The following PLCXD3 variants were observed in gnomAD, a reference collection of about 807,000 sequenced individuals.
PLCXD3 encodes PI-PLC X domain-containing protein 3.
In PLCXD3, 19 loss-of-function variants were observed where a neutral mutation model predicts 25.5. The observed-to-expected ratio is 0.75, with a 90% confidence interval of 0.52 to 1.09. The LOEUF (loss-of-function observed/expected upper bound fraction) is 1.09. PLCXD3 is among the 50% of genes least tolerant of loss of function. The pLI is 0.00. For missense variants in PLCXD3, 411 were observed against 388.1 expected (o/e 1.06, Z -0.50); for synonymous variants, 174 against 137.6 (o/e 1.26, Z -1.85).
At chr5:41,480,732 C>A (rs1241306420) in intron 1 of PLCXD3, among the ~76,000 whole-genome samples, 1 of 151,842 alleles carries the variant, frequency 6.6e-6, no homozygotes, top group Non-Finnish European at 1.5e-5. Flanking sequence ...ACCAGCCTGG[C>A]CAACACGGTG....
At chr5:41,461,413 G>A (rs183589691) in intron 1 of PLCXD3, among the ~76,000 whole-genome samples, 1 of 151,916 alleles carries the variant, frequency 6.6e-6, no homozygotes, top group Admixed American at 6.6e-5. Context: ...ATTTTTTGAA[G>A]CAACAATTCT....
At chr5:41,487,602 A>T (rs1402926769) in intron 1 of PLCXD3, among the ~76,000 whole-genome samples, 1 of 152,258 alleles carries the variant, frequency 6.6e-6, no homozygotes, top group Non-Finnish European at 1.5e-5. Context: ...AAGCACTATG[A>T]ATAAGACAAA....
chr5:41,328,911 C>T lies in PLCXD3; in HGVS notation c.813-15141G>A, dbSNP rs7703741. Reference sequence around the variant, plus strand: ...TTGACTTGTTATTTCATGTCAATCTCCTGCTTAGAATGTTTCAATTACCTC... The same window carrying T: ...TTGACTTGTTATTTCATGTCAATCTTCTGCTTAGAATGTTTCAATTACCTC... On this transcript the variant is annotated intron_variant, in intron 2 of 2. Transcript: ENST00000377801. Among the ~76,000 whole-genome samples the T allele has an allele frequency of 8.0e-3, 1,211 of 152,252 alleles. 17 individuals are homozygous for T. Among genetic ancestry groups the T allele is most frequent in the African/African-American group, 0.028 (1,164 of 41,530 alleles).
At chr5:41,387,041 T>C (rs1745659412) in intron 1 of PLCXD3, among the ~76,000 whole-genome samples, 1 of 152,096 alleles carries the variant, frequency 6.6e-6, no homozygotes, top group South Asian at 2.1e-4. Context: ...GAGCACTCCA[T>C]CTGCATATCA....
chr5:41,499,901 G>A lies in PLCXD3; in HGVS notation c.103+10523C>T, dbSNP rs116737314. ...ACAATGGGGAAAGGATAGTCTCTTT[G>A]ATAAAGATGTTGGGAAACTAGATAT... is the stretch of plus-strand genomic sequence containing the variant. On this transcript the variant is annotated intron_variant, in intron 1 of 2. Coordinates refer to ENST00000377801, the MANE Select transcript of PLCXD3 (RefSeq NM_001005473.3). Among the ~76,000 whole-genome samples the A allele has an allele frequency of 9.3e-4, 141 of 151,888 alleles. 1 individual carries two copies. The highest frequency in any genetic ancestry group is 6.8e-3 in the Middle Eastern group (2 of 294).
At chr5:41,491,918 T>A (rs1315569653) in intron 1 of PLCXD3, among the ~76,000 whole-genome samples, 1 of 151,824 alleles carries the variant, frequency 6.6e-6, no homozygotes, top group East Asian at 1.9e-4. Context: ...TTAATTGGAG[T>A]ATTTAGTCCA....
At chr5:41,405,482 T>G (rs1746324032) in intron 1 of PLCXD3, among the ~76,000 whole-genome samples, 1 of 152,126 alleles carries the variant, frequency 6.6e-6, no homozygotes, top group African/African-American at 2.4e-5. Flanking sequence ...ACTTGTTATG[T>G]TCACTAAATT....
At chr5:41,481,129 AAAGG>A (rs1268234185) in intron 1 of PLCXD3, among the ~76,000 whole-genome samples, 80 of 146,368 alleles carry the variant, frequency 5.5e-4, no homozygotes, top group African/African-American at 1.8e-3. Flanking sequence ...AAAAAAAAAG[AAAGG>A]AAGGGAAAAA....
chr5:41,359,805 A>G (rs1442601753), intron 2 of PLCXD3, among the ~76,000 whole-genome samples: 5 of 152,036 alleles, frequency 3.3e-5, no homozygotes, highest in African/African-American at 1.2e-4. Context: ...CCTGATGACT[A>G]TGTGCCTAGG....
intron 1 of PLCXD3, among the ~76,000 whole-genome samples, chr5:41,438,326 C>A (rs1198060817): frequency 6.6e-6 from 1 of 152,186 alleles, no homozygotes; most frequent in Admixed American, 6.5e-5. Flanking sequence ...AGGAGACAGA[C>A]AAGGGTCCCC....
At position 41,363,384 on chromosome 5, in the gene PLCXD3, T is replaced by A. The variant is rs1308033192; in HGVS notation, c.812+18442A>T. Among the ~76,000 whole-genome samples, 8 of 152,298 alleles carry A rather than the reference T, an allele frequency of 5.3e-5. No individual in the cohort carries two copies. In the East Asian group the frequency reaches 7.7e-4, roughly 15 times the overall value. On this transcript the variant is annotated intron_variant, in intron 2 of 2. Transcript: ENST00000377801. ...TAATACAGATAATAATATATTTTTTTAAAAAGACTTTCTCCAAGAATTCAG... is the reference window on the plus strand; with the variant it reads ...TAATACAGATAATAATATATTTTTTAAAAAAGACTTTCTCCAAGAATTCAG...
intron 2 of PLCXD3, among the ~76,000 whole-genome samples, chr5:41,332,251 AAAAC>A (rs1412730170): frequency 5.3e-5 from 8 of 152,134 alleles, no homozygotes; most frequent in African/African-American, 1.4e-4. Context: ...TTACAAGAAA[AAAAC>A]AAACAACCCC....
In PLCXD3 at chr5:41,431,009, T is replaced by A. The variant is rs1186295310; in HGVS notation, c.104-48475A>T. ...TCTAATGGGGTATTTGACAAAATTG[T>A]CTTGGAAACATGTGAGAAAGGAATT... On this transcript the variant is annotated intron_variant, in intron 1 of 2. Coordinates refer to ENST00000377801, the MANE Select transcript of PLCXD3 (RefSeq NM_001005473.3). 8.5e-5 allele frequency among the ~76,000 whole-genome samples: 13 copies of A among 152,298 alleles called. 1 individual carries two copies. The South Asian group carries it at 2.7e-3, about 32-fold the overall frequency.
chr5:41,441,516 C>T (rs546758023), intron 1 of PLCXD3, among the ~76,000 whole-genome samples: 20 of 152,138 alleles, frequency 1.3e-4, no homozygotes, highest in Non-Finnish European at 2.1e-4. Context: ...TAAACAGTCT[C>T]CTGAAGAAAC....
At chr5:41,493,644 A>T (rs1417747248) in intron 1 of PLCXD3, among the ~76,000 whole-genome samples, 2 of 151,724 alleles carry the variant, frequency 1.3e-5, no homozygotes, top group Non-Finnish European at 2.9e-5. Flanking sequence ...AATGGTGGGC[A>T]CCCCTCCCCC....
chr5:41,382,375 A>G lies in PLCXD3; in HGVS notation c.263T>C (p.Leu88Pro), dbSNP rs376668812. The part of the protein sequence containing the change: ...ATQTMNFTGQ[L>P]GAGIRYFDLR... ...ATCAAAATAACGAATTCCAGCTCCTAGCTGGCCAGTAAAATTCATTGTCTG... is the reference window on the plus strand; with the variant it reads ...ATCAAAATAACGAATTCCAGCTCCTGGCTGGCCAGTAAAATTCATTGTCTG... Residue 88 changes from leucine (L) to proline (P), a missense_variant, in exon 2 of 3, where the codon CTA (leucine) becomes CCA (proline). Transcript: ENST00000377801. 6.2e-7 allele frequency: 1 copy of G among 1,613,508 alleles called. No individual in the cohort carries two copies. The highest frequency in any genetic ancestry group is 1.7e-4 in the Middle Eastern group (1 of 6,052).
At chr5:41,445,848 T>C (rs1186034855) in intron 1 of PLCXD3, among the ~76,000 whole-genome samples, 2 of 151,964 alleles carry the variant, frequency 1.3e-5, no homozygotes. Context: ...GATAAGTAAT[T>C]AATTAAAAAG....
At chr5:41,441,323 C>G (rs1029015393) in intron 1 of PLCXD3, among the ~76,000 whole-genome samples, 1 of 152,148 alleles carries the variant, frequency 6.6e-6, no homozygotes, top group Non-Finnish European at 1.5e-5. Context: ...AACTGAGATG[C>G]GACTCTAACA....
intron 1 of PLCXD3, among the ~76,000 whole-genome samples, chr5:41,411,048 C>G (rs550725348): frequency 6.6e-6 from 1 of 152,102 alleles, no homozygotes; most frequent in Non-Finnish European, 1.5e-5. Flanking sequence ...TAGATAAAAA[C>G]AAGTCCATAT....
Sources: allele counts gnomAD v4.1 joint callset (sites outside exome capture counted in the v4.1 genomes callset), GRCh38; gene constraint gnomAD v4.1.1; transcripts MANE v1.5; gene names NCBI Gene and HGNC (gene_info 2026-07-23, HGNC 2026-07-21).